Variants in UQCRB observed in about 807,000 individuals in gnomAD.
UQCRB encodes the protein cytochrome b-c1 complex subunit 7.
A neutral mutation model predicts 19.8 loss-of-function variants in UQCRB; 12 were observed. The observed-to-expected ratio is 0.61, with a 90% CI of 0.39 to 0.98. UQCRB has a LOEUF of 0.98. Among genes scored for constraint, UQCRB ranks in the 50% least tolerant of loss-of-function variants. The pLI is 0.00. For missense variants in UQCRB, 142 were observed against 131.8 expected, an observed-to-expected ratio of 1.08 and a Z score of -0.38; for synonymous variants, 39 against 42.9, an observed-to-expected ratio of 0.91 and a Z score of 0.35.
At position 96,231,922 on chromosome 8, in the gene UQCRB, G is replaced by GT. The variant is rs1809687152; in HGVS notation, c.109dup (p.Thr37AsnfsTer6). 6.2e-7 allele frequency: 1 copy of GT among 1,613,210 alleles called. No individual in the cohort carries two copies. Among genetic ancestry groups the GT allele is most frequent in the African/African-American group, 1.3e-5 (1 of 74,906 alleles). On this transcript the variant is annotated frameshift_variant, in exon 3 of 4. Coordinates refer to ENST00000287022, the MANE Select transcript of UQCRB (RefSeq NM_006294.5). LOFTEE classifies it high-confidence loss of function. ...TTTTACATCTTCATCCTCGTATATT[G>GT]TATCATCTCGCATTAACCCTATGAT...
chr8:96,229,219 C>T lies in UQCRB; in HGVS notation c.*1836G>A, dbSNP rs1194781031. On this transcript the variant is annotated 3_prime_UTR_variant, in exon 4 of 4. Transcript: ENST00000287022. ...AGAACTCTTACAAAATCAGAGGTTGCCTTATGTAATACCACACTTTACCTT... is the reference window on the plus strand; with the variant it reads ...AGAACTCTTACAAAATCAGAGGTTGTCTTATGTAATACCACACTTTACCTT... 2.2e-6 allele frequency: 1 copy of T among 454,094 alleles called. No individual in the cohort carries two copies. Among genetic ancestry groups the T allele is most frequent in the East Asian group, 7.0e-5 (1 of 14,388 alleles). The allele number at this position is 454,094 out of a possible 1,614,324, so 28.1% of individuals were successfully genotyped here. A position where few individuals can be genotyped will look rare whatever the true frequency, so the allele number is the denominator to read the frequency against.
chr8:96,223,297 AAAAAG>A lies in UQCRB; in HGVS notation c.*7753_*7757del, dbSNP rs1272219730. ...AACATCATGCTGTACACCTTAAATA[AAAAAG>A]AAAAGACAACATAGCAATTTCAAGG... On this transcript the variant is annotated 3_prime_UTR_variant, in exon 4 of 4. Transcript: ENST00000287022. 2.6e-5 allele frequency among the ~76,000 whole-genome samples: 4 copies of A among 152,206 alleles called. No individual in the cohort carries two copies. The highest frequency in any genetic ancestry group is 4.4e-5 in the Non-Finnish European group (3 of 68,030).
intron 2 of UQCRB, 62 bp downstream of exon 2, chr8:96,233,091 AAAC>A: frequency 6.5e-7 from 1 of 1,543,356 alleles, no homozygotes; most frequent in African/African-American, 1.4e-5. Context: ...ACTCTCAGAA[AAAC>A]AAAAAAAAAA....
rs765535556 is a variant in UQCRB at position 96,227,768 on chromosome 8, A to G, written c.*3287T>C. ...CTGCTGAATCTTTTCATAAGTCAAA[A>G]TTAGTGCAGAGTTAATGCTTGAAAA... On this transcript the variant is annotated 3_prime_UTR_variant, in exon 4 of 4. Transcript: ENST00000287022. 4.4e-5 allele frequency: 20 copies of G among 453,818 alleles called. No homozygotes were observed. The highest frequency in any genetic ancestry group is 2.6e-4 in the South Asian group (17 of 64,386). 28.1% of individuals were successfully genotyped at this position (453,818 alleles called of 1,614,324 possible). A position where few individuals can be genotyped will look rare whatever the true frequency, so the allele number is the denominator to read the frequency against.
intron 1 of UQCRB, chr8:96,235,279 C>T: frequency 3.2e-6 from 2 of 629,790 alleles, no homozygotes; most frequent in East Asian, 5.5e-5. Flanking sequence ...GTCAGAGCCA[C>T]CGCGGGCACC....
At position 96,229,591 on chromosome 8, in the gene UQCRB, G is replaced by C. The variant is rs1447129102; in HGVS notation, c.*1464C>G. ...CTGAATAGACAAATGCTTTTAAAGG[G>C]GGTTCTAGACAGCCCATCTTCTTGG... On this transcript the variant is annotated 3_prime_UTR_variant, in exon 4 of 4. Coordinates refer to ENST00000287022, the MANE Select transcript of UQCRB (RefSeq NM_006294.5). The C allele has an allele frequency of 4.4e-6, 2 of 453,856 alleles. No individual in the cohort carries two copies. The highest frequency in any genetic ancestry group is 2.0e-5 in the African/African-American group (1 of 49,928). 28.1% of individuals were successfully genotyped at this position (453,856 alleles called of 1,614,324 possible).
Position 96,226,730 on chromosome 8 carries a change from T to A in UQCRB, c.*4325A>T, listed in dbSNP as rs1259628897. 1 of 370,382 alleles carries A rather than the reference T, an allele frequency of 2.7e-6. No individual in the cohort carries two copies. The highest frequency in any genetic ancestry group is 7.5e-5 in the East Asian group (1 of 13,346). 22.9% of individuals were successfully genotyped at this position (370,382 alleles called of 1,614,324 possible). On this transcript the variant is annotated 3_prime_UTR_variant, in exon 4 of 4. Transcript: ENST00000287022. ...TTTTAAAATTACATTTTTACATTTA[T>A]GCAAAAATAGGCACATGTATTCAAA...
Position 96,229,425 on chromosome 8 carries a change from G to C in UQCRB, c.*1630C>G. On this transcript the variant is annotated 3_prime_UTR_variant, in exon 4 of 4. Coordinates refer to ENST00000287022, the MANE Select transcript of UQCRB (RefSeq NM_006294.5). Reference sequence around the variant, plus strand: ...ACCCGGCTCCCTACACACCTTGACAGTGCTCTTTGAGATGCCTCAGTTGTA... The same window carrying C: ...ACCCGGCTCCCTACACACCTTGACACTGCTCTTTGAGATGCCTCAGTTGTA... The C allele has an allele frequency of 2.2e-6, 1 of 454,112 alleles. No individual in the cohort carries two copies. Among genetic ancestry groups the C allele is most frequent in the Non-Finnish European group, 4.4e-6 (1 of 226,788 alleles). 28.1% of individuals were successfully genotyped at this position (454,112 alleles called of 1,614,324 possible). A position where few individuals can be genotyped will look rare whatever the true frequency, so the allele number is the denominator to read the frequency against.
rs187803166 is a variant in UQCRB, at chr8:96,228,494, T to C, written c.*2561A>G. The C allele has an allele frequency of 8.8e-6, 4 of 454,066 alleles. No individual in the cohort carries two copies. Among genetic ancestry groups the C allele is most frequent in the African/African-American group, 2.0e-5 (1 of 50,122 alleles). The allele number at this position is 454,066 out of a possible 1,614,324, so 28.1% of individuals were successfully genotyped here. A position where few individuals can be genotyped will look rare whatever the true frequency, so the allele number is the denominator to read the frequency against. On this transcript the variant is annotated 3_prime_UTR_variant, in exon 4 of 4. Transcript: ENST00000287022. ...ATGAACCAGAAACAAGAGTGCCACA[T>C]AGAAGGAAGAGAGGAGACCTTGGAC...
Position 96,231,226 on chromosome 8 carries a change from T to C in UQCRB, c.259-94A>G, listed in dbSNP as rs1402505957. ...TCAATAACAAGAAAAAAGCAATTAC[T>C]TTTGAATTTCCAATTTTAGAAAACA... On this transcript the variant is annotated intron_variant, in intron 3 of 3. Transcript: ENST00000287022. The C allele has an allele frequency of 4.3e-6, 7 of 1,611,840 alleles. No homozygotes were observed. The Admixed American group carries it at 1.0e-4, about 23-fold the overall frequency.
In UQCRB at chr8:96,228,982, C is replaced by T. The variant is rs1453248178; in HGVS notation, c.*2073G>A. Reference sequence around the variant, plus strand: ...CTCTCTTTCAAATGAAAGGACTTCACTGATGGATTAACAAATTCTCACCCA... The same window carrying T: ...CTCTCTTTCAAATGAAAGGACTTCATTGATGGATTAACAAATTCTCACCCA... On this transcript the variant is annotated 3_prime_UTR_variant, in exon 4 of 4. Coordinates refer to ENST00000287022, the MANE Select transcript of UQCRB (RefSeq NM_006294.5). The T allele has an allele frequency of 2.2e-5, 10 of 453,954 alleles. No homozygotes were observed. Among genetic ancestry groups the T allele is most frequent in the Non-Finnish European group, 4.4e-5 (10 of 226,794 alleles). The allele number at this position is 453,954 out of a possible 1,614,324, so 28.1% of individuals were successfully genotyped here. A position where few individuals can be genotyped will look rare whatever the true frequency, so the allele number is the denominator to read the frequency against.
Position 96,223,081 on chromosome 8 carries a change from T to A in UQCRB, c.*7974A>T, listed in dbSNP as rs1297868826. 1.3e-5 allele frequency among the ~76,000 whole-genome samples: 2 copies of A among 152,024 alleles called. No homozygotes were observed. Among genetic ancestry groups the A allele is most frequent in the Non-Finnish European group, 1.5e-5 (1 of 68,008 alleles). On this transcript the variant is annotated 3_prime_UTR_variant, in exon 4 of 4. Transcript: ENST00000287022. ...GTCAAAGGATACACAAACTTGCAAT[T>A]ATACAAGATGAACAGGTCTAGAGAT... is the stretch of plus-strand genomic sequence containing the variant.
chr8:96,229,882 T>A lies in UQCRB; in HGVS notation c.*1173A>T, dbSNP rs1809619161. On this transcript the variant is annotated 3_prime_UTR_variant, in exon 4 of 4. Transcript: ENST00000287022. ...TTCTCATTGCTTTACAAACTTTAAA[T>A]GTAACACAAATTCGTTTTTCACACT... The A allele has an allele frequency of 4.4e-6, 2 of 450,088 alleles. No individual in the cohort carries two copies. Among genetic ancestry groups the A allele is most frequent in the Non-Finnish European group, 8.9e-6 (2 of 224,824 alleles). 27.9% of individuals were successfully genotyped at this position (450,088 alleles called of 1,614,324 possible). A position where few individuals can be genotyped will look rare whatever the true frequency, so the allele number is the denominator to read the frequency against.
In UQCRB at chr8:96,229,978, G is replaced by A. The variant is rs1809622727; in HGVS notation, c.*1077C>T. The A allele has an allele frequency of 2.2e-6, 1 of 453,980 alleles. No homozygotes were observed. The highest frequency in any genetic ancestry group is 1.6e-5 in the South Asian group (1 of 64,480). 28.1% of individuals were successfully genotyped at this position (453,980 alleles called of 1,614,324 possible). A position where few individuals can be genotyped will look rare whatever the true frequency, so the allele number is the denominator to read the frequency against. On this transcript the variant is annotated 3_prime_UTR_variant, in exon 4 of 4. Transcript: ENST00000287022. ...CTTGTCCTGGAAAACCAGGGAGGCT[G>A]CAGGTCCTACTGTTCCTTCTCTACT...
chr8:96,228,522 T>C lies in UQCRB; in HGVS notation c.*2533A>G, dbSNP rs563779358. ...AAGGAAGAGAGGAGACCTTGGACCT[T>C]AGCTACTGGTTAGCTATTCGACATT... On this transcript the variant is annotated 3_prime_UTR_variant, in exon 4 of 4. Transcript: ENST00000287022. 7.5e-4 allele frequency: 342 copies of C among 454,106 alleles called. No homozygotes were observed. The highest frequency in any genetic ancestry group is 7.4e-4 in the Non-Finnish European group (168 of 226,778). 28.1% of individuals were successfully genotyped at this position (454,106 alleles called of 1,614,324 possible).
At chr8:96,231,638 A>T in intron 3 of UQCRB, 136 bp downstream of exon 3, 1 of 1,406,538 alleles carries the variant, frequency 7.1e-7, no homozygotes, top group Non-Finnish European at 9.9e-7. Context: ...CGGAAATAAC[A>T]TTTGCTTTAT....
Position 96,223,708 on chromosome 8 carries a change from G to T in UQCRB, c.*7347C>A, listed in dbSNP as rs1477617891. On this transcript the variant is annotated 3_prime_UTR_variant, in exon 4 of 4. Coordinates refer to ENST00000287022, the MANE Select transcript of UQCRB (RefSeq NM_006294.5). Reference sequence around the variant, plus strand: ...GGGACTGAGAATAGAAGGAAAAAAGGTTAGAGGTAGAATTTTGCAGAATGT... The same window carrying T: ...GGGACTGAGAATAGAAGGAAAAAAGTTTAGAGGTAGAATTTTGCAGAATGT... Among the ~76,000 whole-genome samples the T allele has an allele frequency of 6.6e-6, 1 of 152,224 alleles. No individual in the cohort carries two copies. The highest frequency in any genetic ancestry group is 1.5e-5 in the Non-Finnish European group (1 of 68,040).
rs1027162400 is a variant in UQCRB, at chr8:96,225,758, T to C, written c.*5297A>G. Among the ~76,000 whole-genome samples the C allele has an allele frequency of 3.3e-5, 5 of 152,072 alleles. No individual in the cohort carries two copies. Among genetic ancestry groups the C allele is most frequent in the Admixed American group, 3.3e-4 (5 of 15,266 alleles). On this transcript the variant is annotated 3_prime_UTR_variant, in exon 4 of 4. Coordinates refer to ENST00000287022, the MANE Select transcript of UQCRB (RefSeq NM_006294.5). ...GATTCCCATCCAGGTTTAGTTAGTT[T>C]ACCTTCTCCATGTTTCCATAGTACC... is the stretch of plus-strand genomic sequence containing the variant.
intron 1 of UQCRB, 170 bp from the exon 2 acceptor site, chr8:96,233,397 T>A: frequency 1.6e-6 from 1 of 616,148 alleles, no homozygotes; most frequent in Admixed American, 3.1e-5. Flanking sequence ...AAGAATTAGA[T>A]TTAAAAGAAA....
Sources: gnomAD v4.1 joint callset for allele counts (sites outside exome capture counted in the v4.1 genomes callset) on GRCh38, gnomAD v4.1.1 for gene constraint, MANE v1.5 for transcripts, NCBI Gene and HGNC (gene_info 2026-07-23, HGNC 2026-07-21) for gene names.